The following CDK14 variants were observed in gnomAD, a reference collection of about 807,000 sequenced individuals.
The protein encoded by CDK14 is cyclin-dependent kinase 14.
A neutral mutation model predicts 60.7 loss-of-function variants in CDK14; 34 were observed. That is an observed-to-expected ratio of 0.56 (90% CI 0.43 to 0.75). The LOEUF is 0.75. CDK14 is among the 30% of genes least tolerant of loss of function. CDK14 has a pLI of 0.00. For missense variants in CDK14, 482 were observed against 564.1 expected (o/e 0.85, Z 1.47); for synonymous variants, 197 against 203.7 (o/e 0.97, Z 0.28).
intron 2 of CDK14, among the ~76,000 whole-genome samples, chr7:90,664,905 A>T (rs1168215967): frequency 1.3e-5 from 2 of 152,118 alleles, no homozygotes; most frequent in Admixed American, 6.6e-5. Flanking sequence ...AAACCTGCAG[A>T]TTGTGCACAT....
intron 10 of CDK14, among the ~76,000 whole-genome samples, chr7:91,041,189 T>G (rs1797080661): frequency 6.6e-6 from 1 of 151,888 alleles, no homozygotes; most frequent in African/African-American, 2.4e-5. Flanking sequence ...TTTTTTTTTT[T>G]TTAACAGATG....
In CDK14 at chr7:90,709,805, C is replaced by T. The variant is rs1801996021; in HGVS notation, c.124-16762C>T. 2.1e-6 allele frequency: 3 copies of T among 1,426,114 alleles called. No homozygotes were observed. The South Asian group carries it at 4.7e-5, about 22-fold the overall frequency. 88.3% of individuals were successfully genotyped at this position (1,426,114 alleles called of 1,614,324 possible). On this transcript the variant is annotated intron_variant, in intron 2 of 14. Transcript: ENST00000380050. Reference sequence around the variant, plus strand: ...TTTGCTTGCTTATGCATCCCCCTCTCTTGGTTGTAGTACGGCCGTACCATT... The same window carrying T: ...TTTGCTTGCTTATGCATCCCCCTCTTTTGGTTGTAGTACGGCCGTACCATT...
At chr7:90,817,073 C>T (rs1789382719) in intron 5 of CDK14, among the ~76,000 whole-genome samples, 1 of 152,158 alleles carries the variant, frequency 6.6e-6, no homozygotes, top group African/African-American at 2.4e-5. Context: ...TCATTCAGAT[C>T]TCTCTGTATT....
At chr7:90,676,050 ATATT>A (rs1801192306) in intron 2 of CDK14, among the ~76,000 whole-genome samples, 1 of 152,200 alleles carries the variant, frequency 6.6e-6, no homozygotes. Flanking sequence ...TGTTCAGTAA[ATATT>A]TATTGAGCAC....
At chr7:90,804,155 G>C (rs572871014) in intron 5 of CDK14, among the ~76,000 whole-genome samples, 1 of 152,214 alleles carries the variant, frequency 6.6e-6, no homozygotes, top group Admixed American at 6.5e-5. Context: ...CTCCATAAGC[G>C]AGGAGCTGGA....
chr7:91,023,859 G>A (rs1446235051), intron 10 of CDK14, among the ~76,000 whole-genome samples: 5 of 152,058 alleles, frequency 3.3e-5, no homozygotes, highest in Non-Finnish European at 5.9e-5. Flanking sequence ...GGCAACCTCC[G>A]CCTCCTGGGT....
intron 2 of CDK14, among the ~76,000 whole-genome samples, chr7:90,605,124 A>G (rs1799390908): frequency 6.6e-6 from 1 of 152,140 alleles, no homozygotes; most frequent in Non-Finnish European, 1.5e-5. Context: ...GAAATATGCT[A>G]CCTGTCTTCC....
chr7:91,082,886 C>T (rs531626750), intron 12 of CDK14, among the ~76,000 whole-genome samples: 1 of 152,252 alleles, frequency 6.6e-6, no homozygotes, highest in South Asian at 2.1e-4. Context: ...AGATTTAAGT[C>T]AGAGAATTCG....
In CDK14 at chr7:90,885,920, G is replaced by A. The variant is rs556057844; in HGVS notation, c.640-13371G>A. ...ACCAGGGCCTGTTGGGGTGGAGGGT[G>A]AGGAGAGGGAACTTAGAGGACGGGT... On this transcript the variant is annotated intron_variant, in intron 6 of 14. Transcript: ENST00000380050. Among the ~76,000 whole-genome samples, 8 of 152,262 alleles carry A rather than the reference G, an allele frequency of 5.3e-5. No homozygotes were observed. The South Asian group carries it at 1.5e-3, about 28-fold the overall frequency.
intron 5 of CDK14, among the ~76,000 whole-genome samples, chr7:90,821,284 C>T (rs1789538703): frequency 6.6e-6 from 1 of 152,158 alleles, no homozygotes; most frequent in African/African-American, 2.4e-5. Context: ...AGAGTTGACC[C>T]ACATGAAGTT....
intron 7 of CDK14, among the ~76,000 whole-genome samples, chr7:90,905,404 GA>G (rs971301657): frequency 1.3e-5 from 2 of 152,032 alleles, no homozygotes; most frequent in Non-Finnish European, 2.9e-5. Context: ...CTAACACCAG[GA>G]AAAACAAATT....
At chr7:90,661,295 GT>G in intron 2 of CDK14, among the ~76,000 whole-genome samples, 1 of 152,180 alleles carries the variant, frequency 6.6e-6, no homozygotes, top group Non-Finnish European at 1.5e-5. Context: ...TATTTTAGAA[GT>G]GTGTTGAGCA....
intron 11 of CDK14, among the ~76,000 whole-genome samples, chr7:91,072,036 G>T (rs749764313): frequency 8.9e-4 from 136 of 152,306 alleles, no homozygotes; most frequent in Non-Finnish European, 1.3e-3. Flanking sequence ...GAGCCCCTAG[G>T]GGGAGGGGTG....
chr7:90,797,101 A>G (rs2116989127), intron 5 of CDK14, among the ~76,000 whole-genome samples: 1 of 151,966 alleles, frequency 6.6e-6, no homozygotes, highest in African/African-American at 2.4e-5. Context: ...TGTACAGTAT[A>G]AGATAAGCCA....
At chr7:91,091,364 A>G (rs1304528786) in intron 12 of CDK14, among the ~76,000 whole-genome samples, 1 of 144,884 alleles carries the variant, frequency 6.9e-6, no homozygotes, top group East Asian at 2.0e-4. Flanking sequence ...AATTATATAT[A>G]CATATATACA....
At chr7:91,148,609 T>C (rs975000689) in intron 14 of CDK14, among the ~76,000 whole-genome samples, 1 of 152,220 alleles carries the variant, frequency 6.6e-6, no homozygotes, top group Non-Finnish European at 1.5e-5. Flanking sequence ...TAGTGTCCAC[T>C]CTTAAGGACA....
chr7:90,656,595 G>T (rs1232305123), intron 2 of CDK14, among the ~76,000 whole-genome samples: 3 of 152,110 alleles, frequency 2.0e-5, no homozygotes, highest in African/African-American at 7.2e-5. Flanking sequence ...GGCCAGGCTG[G>T]TCTTGAACTT....
intron 14 of CDK14, among the ~76,000 whole-genome samples, chr7:91,156,426 A>G (rs914587545): frequency 1.3e-5 from 2 of 151,952 alleles, no homozygotes; most frequent in Non-Finnish European, 2.9e-5. Flanking sequence ...CGGCTGTTTG[A>G]CAACGATTTA....
chr7:90,668,696 A>ATTATTATTTTT (rs1554431005), intron 2 of CDK14, among the ~76,000 whole-genome samples: 1 of 68,450 alleles, frequency 1.5e-5, no homozygotes, highest in Non-Finnish European at 2.7e-5. Flanking sequence ...AAGGACTCGC[A>ATTATTATTTTT]TTCTTTTTTT....
Sources: allele counts gnomAD v4.1 joint callset (sites outside exome capture counted in the v4.1 genomes callset), GRCh38; gene constraint gnomAD v4.1.1; transcripts MANE v1.5; gene names NCBI Gene and HGNC (gene_info 2026-07-23, HGNC 2026-07-21).